The following KCNQ5 variants were observed in gnomAD, a reference collection of about 807,000 sequenced individuals.
The protein encoded by KCNQ5 is potassium voltage-gated channel subfamily KQT member 5.
KCNQ5 carries 30 observed loss-of-function variants against 98.2 expected under a neutral mutation model. The observed-to-expected ratio is 0.31, with a 90% confidence interval of 0.23 to 0.41. KCNQ5 has a LOEUF of 0.41. KCNQ5 is among the 10% of genes least tolerant of loss of function. The pLI, the probability that KCNQ5 is intolerant of heterozygous loss-of-function variation, is 1.00. For synonymous variants in KCNQ5, 458 were observed against 449.4 expected (o/e 1.02, Z -0.24); for missense variants, 835 against 1,182.5 (o/e 0.71, Z 4.31).
At chr6:72,843,390 G>A (rs112534367) in intron 1 of KCNQ5, among the ~76,000 whole-genome samples, 3,762 of 152,250 alleles carry the variant, frequency 0.025, 66 homozygotes, top group Non-Finnish European at 0.037. Flanking sequence ...CCATAGGCTT[G>A]TAGTGTAGTT....
At chr6:72,790,184 G>T (rs1386605108) in intron 1 of KCNQ5, among the ~76,000 whole-genome samples, 1 of 152,004 alleles carries the variant, frequency 6.6e-6, no homozygotes, top group Non-Finnish European at 1.5e-5. Context: ...TTCTTCCTTG[G>T]TCCAGCTCTT....
intron 1 of KCNQ5, among the ~76,000 whole-genome samples, chr6:72,635,550 T>G (rs1214481011): frequency 2.0e-5 from 3 of 152,076 alleles, no homozygotes; most frequent in Admixed American, 6.5e-5. Flanking sequence ...TGTGAATACA[T>G]TTCATTCAGC....
At chr6:72,745,787 G>A (rs1771367107) in intron 1 of KCNQ5, among the ~76,000 whole-genome samples, 1 of 152,154 alleles carries the variant, frequency 6.6e-6, no homozygotes, top group African/African-American at 2.4e-5. Context: ...GTCAAGGTGT[G>A]TCTGAAGGTC....
At position 73,157,468 on chromosome 6, in the gene KCNQ5, C is replaced by A. The variant is rs1414108894; in HGVS notation, c.1469-12278C>A. ...TGGGAGCTCAGGGCGCCTGTCCCGG[C>A]ACCACCACAGATTCCCAGAACCAAC... is the stretch of plus-strand genomic sequence containing the variant. On this transcript the variant is annotated intron_variant, in intron 10 of 13. Transcript: ENST00000370398. The A allele has an allele frequency of 4.3e-6, 3 of 692,326 alleles. No individual in the cohort carries two copies. In the East Asian group the frequency reaches 8.2e-5, roughly 19 times the overall value. 42.9% of individuals were successfully genotyped at this position (692,326 alleles called of 1,614,324 possible).
intron 10 of KCNQ5, chr6:73,143,603 T>G (rs1776805787): frequency 6.6e-6 from 1 of 152,224 alleles, no homozygotes; most frequent in Non-Finnish European, 1.5e-5. Context: ...CCATAGCGGC[T>G]CATTCTTAGA....
At chr6:73,101,885 A>G (rs2150415810) in intron 5 of KCNQ5, among the ~76,000 whole-genome samples, 1 of 152,354 alleles carries the variant, frequency 6.6e-6, no homozygotes, top group South Asian at 2.1e-4. Flanking sequence ...TCTTCACATA[A>G]ATGGAAAAAA....
chr6:72,948,713 CA>C lies in KCNQ5; in HGVS notation c.399-55193del, dbSNP rs563463614. Among the ~76,000 whole-genome samples the C allele has an allele frequency of 9.2e-5, 14 of 152,034 alleles. No individual in the cohort carries two copies. The South Asian group carries it at 2.9e-3, about 32-fold the overall frequency. On this transcript the variant is annotated intron_variant, in intron 1 of 13. Coordinates refer to ENST00000370398, the MANE Select transcript of KCNQ5 (RefSeq NM_019842.4). ...GTTGTACTAATAGATTAACATATGC[CA>C]AGAGTTCATTATCATTTTCTTTAAA...
intron 1 of KCNQ5, among the ~76,000 whole-genome samples, chr6:72,823,708 A>G (rs1343190274): frequency 6.6e-6 from 1 of 152,032 alleles, no homozygotes; most frequent in Non-Finnish European, 1.5e-5. Flanking sequence ...CTTCTGTGAC[A>G]CCCCCGAAGT....
At chr6:72,761,112 G>A (rs1772248872) in intron 1 of KCNQ5, among the ~76,000 whole-genome samples, 2 of 152,110 alleles carry the variant, frequency 1.3e-5, no homozygotes, top group South Asian at 2.1e-4. Flanking sequence ...TTGACATTGT[G>A]AAGTTAACCC....
At chr6:73,176,074 C>G (rs1435339807) in intron 11 of KCNQ5, among the ~76,000 whole-genome samples, 1 of 152,076 alleles carries the variant, frequency 6.6e-6, no homozygotes, top group East Asian at 1.9e-4. Context: ...GAGCAGGAAC[C>G]ATAAGAATGA....
intron 2 of KCNQ5, among the ~76,000 whole-genome samples, chr6:73,036,271 A>G (rs957173832): frequency 6.6e-6 from 1 of 151,222 alleles, no homozygotes; most frequent in African/African-American, 2.4e-5. Context: ...CTGTAGTCCC[A>G]GCTACTCGGG....
chr6:73,094,942 T>G (rs552175493), intron 5 of KCNQ5, among the ~76,000 whole-genome samples: 1 of 152,302 alleles, frequency 6.6e-6, no homozygotes, highest in African/African-American at 2.4e-5. Flanking sequence ...GTGTTCTTTG[T>G]GCTTCTTGTA....
chr6:72,806,156 A>C (rs957425232), intron 1 of KCNQ5, among the ~76,000 whole-genome samples: 10 of 152,106 alleles, frequency 6.6e-5, no homozygotes, highest in African/African-American at 2.4e-4. Context: ...TAGAAACTGA[A>C]GCTTGTGAGA....
intron 3 of KCNQ5, among the ~76,000 whole-genome samples, chr6:73,049,846 T>G (rs1772137835): frequency 6.6e-6 from 1 of 152,134 alleles, no homozygotes; most frequent in Non-Finnish European, 1.5e-5. Flanking sequence ...ATTCGATTCC[T>G]GTCCCCAAAT....
intron 2 of KCNQ5, among the ~76,000 whole-genome samples, chr6:73,014,897 C>T (rs1354252925): frequency 6.6e-6 from 1 of 151,844 alleles, no homozygotes; most frequent in Non-Finnish European, 1.5e-5. Flanking sequence ...TTCCTATATA[C>T]CAGTATTAAC....
intron 1 of KCNQ5, among the ~76,000 whole-genome samples, chr6:72,674,761 T>A (rs1423565577): frequency 1.3e-5 from 2 of 152,018 alleles, no homozygotes; most frequent in African/African-American, 4.8e-5. Flanking sequence ...CAGGGTGAGA[T>A]CCTGTCTCTA....
chr6:73,046,823 A>T (rs1309584393), intron 3 of KCNQ5, among the ~76,000 whole-genome samples: 1 of 151,836 alleles, frequency 6.6e-6, no homozygotes, highest in Non-Finnish European at 1.5e-5. Context: ...TTGCATTTTT[A>T]GTAGAGATAG....
chr6:72,994,583 C>G (rs1181320430), intron 1 of KCNQ5, among the ~76,000 whole-genome samples: 2 of 149,904 alleles, frequency 1.3e-5, no homozygotes, highest in African/African-American at 4.9e-5. Context: ...GAGATGAACC[C>G]GGTACCTCAG....
chr6:72,979,296 G>A (rs1279369493), intron 1 of KCNQ5, among the ~76,000 whole-genome samples: 1 of 152,202 alleles, frequency 6.6e-6, no homozygotes. Context: ...CACCAACAGT[G>A]TAAAAGTATT....
Sources: allele counts gnomAD v4.1 joint callset (sites outside exome capture counted in the v4.1 genomes callset), GRCh38; gene constraint gnomAD v4.1.1; transcripts MANE v1.5; gene names NCBI Gene and HGNC (gene_info 2026-07-23, HGNC 2026-07-21).